Variants in LHX4 observed in about 807,000 individuals in gnomAD.
LHX4 encodes the protein LIM homeobox 4, also known as LIM/homeobox protein Lhx4.
LHX4 carries 16 observed loss-of-function variants against 39.2 expected under a neutral mutation model. The observed-to-expected ratio is 0.41, with a 90% CI of 0.28 to 0.62. The LOEUF (loss-of-function observed/expected upper bound fraction) is 0.62. Ranked by LOEUF, LHX4 falls within the 20% of genes least tolerant of loss-of-function variation. The pLI, the probability that LHX4 is intolerant of heterozygous loss-of-function variation, is 0.33. For missense variants in LHX4, 439 were observed against 511.9 expected (o/e 0.86, Z 1.37); for synonymous variants, 206 against 198.1 (o/e 1.04, Z -0.33).
rs1664249170 is a variant in LHX4, at chr1:180,234,169, T to TTATATACATA, written c.76+3570_76+3571insCATATATATA. 3.9e-4 allele frequency among the ~76,000 whole-genome samples: 21 copies of TTATATACATA among 53,596 alleles called. 1 individual carries two copies. The highest frequency in any genetic ancestry group is 7.5e-4 in the Admixed American group (3 of 4,004). The allele number at this position is 53,596 out of a possible 152,430, so 35.2% of individuals were successfully genotyped here. ...AACAGACACACACAACACACACAAA[T>TTATATACATA]TATATATATATATATATATATATAT... On this transcript the variant is annotated intron_variant, in intron 1 of 5. Transcript: ENST00000263726. The surrounding 1 kb of genome is among the most constrained non-coding windows in gnomAD (Gnocchi z 4.8).
intron 1 of LHX4, among the ~76,000 whole-genome samples, chr1:180,231,696 C>T (rs940038090): frequency 6.6e-6 from 1 of 151,974 alleles, no homozygotes; most frequent in African/African-American, 2.4e-5. Context: ...CTTCCGCCTG[C>T]GACTTCTTTA....
upstream of LHX4, among the ~76,000 whole-genome samples, chr1:180,228,779 T>G (rs927663605): frequency 3.3e-4 from 50 of 152,254 alleles, no homozygotes; most frequent in Admixed American, 1.4e-3. Context: ...CCCATGCTCC[T>G]CCCTTAAAGG....
chr1:180,237,064 C>A (rs918064347), intron 1 of LHX4, among the ~76,000 whole-genome samples: 2 of 152,224 alleles, frequency 1.3e-5, no homozygotes, highest in African/African-American at 4.8e-5. Context: ...CCATCGCGGT[C>A]TGGTGGCTTG....
Position 180,266,530 on chromosome 1 carries a change from A to T in LHX4, c.387A>T (p.Glu129Asp). The change falls in exon 3 of 6, where the codon GAA becomes GAT. Residue 129 changes from glutamate to aspartate, a missense_variant. Physicochemically the swap from Glu to Asp is conservative, Grantham distance 45. Transcript: ENST00000263726. The surrounding 1 kb of genome is among the most constrained non-coding windows in gnomAD (Gnocchi z 5.7). The stretch of plus-strand genomic sequence containing the variant: ...ACCGGCAGCTGGCCACGGGGGACGA[A>T]TTCTACCTCATGGAGGACGGGCGGC... The part of the protein sequence containing the change: ...ICNRQLATGD[E>D]FYLMEDGRLV... 1 of 1,614,150 alleles carries T rather than the reference A, an allele frequency of 6.2e-7. No homozygotes were observed. Among genetic ancestry groups the T allele is most frequent in the Non-Finnish European group, 8.5e-7 (1 of 1,180,022 alleles).
intron 3 of LHX4, among the ~76,000 whole-genome samples, chr1:180,267,504 C>T (rs1415749246): frequency 6.6e-6 from 1 of 152,264 alleles, no homozygotes; most frequent in East Asian, 1.9e-4. Context: ...TCCTGCAGCC[C>T]TACCTCTGGC....
At chr1:180,240,768 C>T (rs1342275458) in intron 1 of LHX4, among the ~76,000 whole-genome samples, 4 of 152,174 alleles carry the variant, frequency 2.6e-5, no homozygotes, top group African/African-American at 7.2e-5. Flanking sequence ...TGATCTCTTC[C>T]ACTTCCCAGC....
Position 180,266,597 on chromosome 1 carries a change from A to G in LHX4, c.451+3A>G. The G allele has an allele frequency of 1.2e-6, 2 of 1,613,800 alleles. No individual in the cohort carries two copies. Among genetic ancestry groups the G allele is most frequent in the Non-Finnish European group, 1.7e-6 (2 of 1,179,808 alleles). ...CTACGAGACAGCCAAGCAGAACGGT[A>G]AGCAGCATGGCCCCGCATGGTCCCC... is the stretch of plus-strand genomic sequence containing the variant. On this transcript the variant is annotated splice_donor_region_variant and intron_variant, in intron 3 of 5. Transcript: ENST00000263726. This position sits in a 1 kb window ranked among gnomAD's most constrained non-coding sequence, Gnocchi z 5.7.
intron 5 of LHX4, 46 bp from the exon 6 acceptor site, chr1:180,274,139 C>CAG: frequency 6.2e-7 from 1 of 1,612,430 alleles, no homozygotes; most frequent in Non-Finnish European, 8.5e-7. Flanking sequence ...AGGGGACCAT[C>CAG]AGAGTCCTGG....
At chr1:180,238,994 A>G (rs890053103) in intron 1 of LHX4, among the ~76,000 whole-genome samples, 1 of 152,228 alleles carries the variant, frequency 6.6e-6, no homozygotes, top group Non-Finnish European at 1.5e-5. Flanking sequence ...ACAGGATTTT[A>G]TCATCAGCGG....
In LHX4 at chr1:180,234,557, T is replaced by G. The variant is rs948743091; in HGVS notation, c.76+3952T>G. Among the ~76,000 whole-genome samples the G allele has an allele frequency of 2.6e-5, 4 of 152,146 alleles. No homozygotes were observed. The highest frequency in any genetic ancestry group is 9.6e-5 in the African/African-American group (4 of 41,458). ...CTCCGGCCTCCTCCTTTCCAGGGCC[T>G]TGTTATCTGAGAGGGCCGTTAGCAC... On this transcript the variant is annotated intron_variant, in intron 1 of 5. Coordinates refer to ENST00000263726, the MANE Select transcript of LHX4 (RefSeq NM_033343.4). The surrounding 1 kb of genome is among the most constrained non-coding windows in gnomAD (Gnocchi z 4.8).
rs539093192 is a variant in LHX4 at position 180,231,743 on chromosome 1, G to GT, written c.76+1139dup. 2.7e-4 allele frequency among the ~76,000 whole-genome samples: 41 copies of GT among 152,178 alleles called. 2 individuals are homozygous for GT. In the South Asian group the frequency reaches 4.6e-3, roughly 17 times the overall value. ...GCTACATCTTCGGGGTTTACTTTAA[G>GT]TAAGGGCCGGCTCATCCAGGGATGG... On this transcript the variant is annotated intron_variant, in intron 1 of 5. Coordinates refer to ENST00000263726, the MANE Select transcript of LHX4 (RefSeq NM_033343.4).
intron 2 of LHX4, among the ~76,000 whole-genome samples, chr1:180,254,741 C>T (rs1482512498): frequency 2.0e-5 from 3 of 152,228 alleles, no homozygotes; most frequent in East Asian, 1.9e-4. Flanking sequence ...GGGCGTTAGA[C>T]ATCACCAAGC....
chr1:180,261,295 G>A (rs940505622), intron 2 of LHX4, among the ~76,000 whole-genome samples: 8 of 151,906 alleles, frequency 5.3e-5, no homozygotes, highest in African/African-American at 1.9e-4. Flanking sequence ...CGGTAGAGAA[G>A]GGAGGCAGGC....
Position 180,271,436 on chromosome 1 carries a change from G to C in LHX4, c.508G>C (p.Glu170Gln), listed in dbSNP as rs1472617051. The stretch of plus-strand genomic sequence containing the variant: ...GACCACCATCACAGCCAAGCAGCTG[G>C]AGACATTAAAGAATGCATACAAGAA... ...PRTTITAKQL[E>Q]TLKNAYKNSP... The change falls in exon 4 of 6, where the codon GAG (glutamate) becomes CAG (glutamine). Residue 170 changes from glutamate to glutamine, a missense_variant. Transcript: ENST00000263726. 3.1e-6 allele frequency: 5 copies of C among 1,614,194 alleles called. No individual in the cohort carries two copies. The highest frequency in any genetic ancestry group is 4.2e-6 in the Non-Finnish European group (5 of 1,180,038).
chr1:180,252,786 G>A (rs80064572), intron 2 of LHX4, among the ~76,000 whole-genome samples: 9,571 of 152,238 alleles, frequency 0.063, 351 homozygotes, highest in Middle Eastern at 0.071. Context: ...TTCCACAGGG[G>A]CATGTGGCGA....
chr1:180,248,596 G>C, intron 2 of LHX4, 140 bp downstream of exon 2: 1 of 883,908 alleles, frequency 1.1e-6, no homozygotes. Flanking sequence ...GGAGCTGAGA[G>C]GATGCCCCTT....
chr1:180,271,315 G>A, intron 3 of LHX4, 65 bp from the exon 4 acceptor site: 2 of 1,569,314 alleles, frequency 1.3e-6, no homozygotes, highest in South Asian at 1.1e-5. Context: ...GGAAGGGAGG[G>A]TGTGGGAGGA....
intron 1 of LHX4, among the ~76,000 whole-genome samples, chr1:180,240,396 C>T (rs1664419651): frequency 6.6e-6 from 1 of 152,058 alleles, no homozygotes; most frequent in South Asian, 2.1e-4. Context: ...ATTATGATTC[C>T]AATGGAAAGA....
chr1:180,264,378 A>AACACACACACACACACAC (rs10561933), intron 2 of LHX4, among the ~76,000 whole-genome samples: 3,475 of 145,324 alleles, frequency 0.024, 67 homozygotes, highest in Non-Finnish European at 0.033. Flanking sequence ...ACACACACAT[A>AACACACACACACACACAC]ACACACACAC....
Sources: allele counts gnomAD v4.1 joint callset (sites outside exome capture counted in the v4.1 genomes callset), GRCh38; gene constraint gnomAD v4.1.1; non-coding constraint Gnocchi (gnomAD v3.1); transcripts MANE v1.5; gene names NCBI Gene and HGNC (gene_info 2026-07-23, HGNC 2026-07-21).